UCHL3: variants seen among roughly 807,000 people sequenced by gnomAD.
The protein encoded by UCHL3 is ubiquitin C-terminal hydrolase L3.
A neutral mutation model predicts 35.8 loss-of-function variants in UCHL3; 22 were observed. The observed-to-expected ratio is 0.61, with a 90% CI of 0.44 to 0.88. UCHL3 has a LOEUF of 0.88. Ranked by LOEUF, UCHL3 falls within the 40% of genes least tolerant of loss-of-function variation. The pLI is 0.00. For missense variants in UCHL3, 229 were observed against 276.9 expected (o/e 0.83, Z 1.23); for synonymous variants, 90 against 92.8 (o/e 0.97, Z 0.17).
At position 75,594,924 on chromosome 13, in the gene UCHL3, A is replaced by G. The variant is rs770776286; in HGVS notation, c.484A>G (p.Ile162Val). 7.5e-6 allele frequency: 12 copies of G among 1,606,952 alleles called. No individual in the cohort carries two copies. In the South Asian group the frequency reaches 9.0e-5, roughly 12 times the overall value. ...AHEGQTEAPS[I>V]DEKVDLHFIA... Reference sequence around the variant, plus strand: ...TTCCCTCCTATTCCAGGCACCAAGTATAGATGAGAAAGTAGATCTTCATTT... The same window carrying G: ...TTCCCTCCTATTCCAGGCACCAAGTGTAGATGAGAAAGTAGATCTTCATTT... Residue 162 changes from isoleucine to valine, a missense_variant, in exon 7 of 9, where the codon ATA becomes GTA. Coordinates refer to ENST00000377595, the MANE Select transcript of UCHL3 (RefSeq NM_006002.5).
At chr13:75,586,611 C>A (rs530057650) in intron 6 of UCHL3, among the ~76,000 whole-genome samples, 1 of 151,760 alleles carries the variant, frequency 6.6e-6, no homozygotes, top group East Asian at 1.9e-4. Context: ...CCAGGATAGA[C>A]CATATTCTGG....
Position 75,569,333 on chromosome 13 carries a change from T to A in UCHL3, c.427-127T>A, listed in dbSNP as rs577922077. ...TCTTAAATATCTAGTACTAAGCTTT[T>A]CTTAAATTTCCTTCAATTTGTTGTT... is the stretch of plus-strand genomic sequence containing the variant. On this transcript the variant is annotated intron_variant, in intron 5 of 8. Transcript: ENST00000377595. The A allele has an allele frequency of 7.7e-6, 5 of 646,692 alleles. No homozygotes were observed. The South Asian group carries it at 1.1e-4, about 14-fold the overall frequency. The allele number at this position is 646,692 out of a possible 1,614,324, so 40.1% of individuals were successfully genotyped here.
intron 8 of UCHL3, 55 bp downstream of exon 8, chr13:75,604,882 A>G (rs375744803): frequency 6.9e-7 from 1 of 1,443,082 alleles, no homozygotes; most frequent in Non-Finnish European, 9.5e-7. Flanking sequence ...TCTTTAAAAC[A>G]TCTCTAAAGG....
intron 6 of UCHL3, among the ~76,000 whole-genome samples, chr13:75,589,167 G>A (rs1444652799): frequency 1.3e-5 from 2 of 152,016 alleles, no homozygotes; most frequent in African/African-American, 4.8e-5. Flanking sequence ...TCTGAATCCC[G>A]GTTCTGTTAC....
intron 6 of UCHL3, among the ~76,000 whole-genome samples, chr13:75,587,512 G>T (rs900093219): frequency 1.3e-5 from 2 of 151,992 alleles, no homozygotes; most frequent in Non-Finnish European, 2.9e-5. Context: ...AGGAAATACT[G>T]AAGAATTTAG....
At chr13:75,560,685 A>G (rs2031461406) in intron 2 of UCHL3, 68 bp from the exon 3 acceptor site, 2 of 1,403,214 alleles carry the variant, frequency 1.4e-6, no homozygotes, top group Non-Finnish European at 1.9e-6. Context: ...AACACTATGT[A>G]TAGTATACTA....
At chr13:75,568,014 C>T (rs1287251673) in intron 5 of UCHL3, among the ~76,000 whole-genome samples, 1 of 152,000 alleles carries the variant, frequency 6.6e-6, no homozygotes, top group Non-Finnish European at 1.5e-5. Flanking sequence ...AGACATTAGA[C>T]CATACTGTAG....
chr13:75,587,493 CTTAG>C (rs1039937324), intron 6 of UCHL3, among the ~76,000 whole-genome samples: 6 of 151,914 alleles, frequency 3.9e-5, no homozygotes, highest in African/African-American at 4.8e-5. Flanking sequence ...AGTTAATTCC[CTTAG>C]TCCTAGGAAA....
chr13:75,604,557 T>A, intron 7 of UCHL3: 1 of 386,364 alleles, frequency 2.6e-6, no homozygotes, highest in Non-Finnish European at 4.6e-6. Context: ...ATGAAGATAA[T>A]TTAGGCTTTC....
intron 6 of UCHL3, chr13:75,590,100 C>A (rs780661979): frequency 7.7e-7 from 1 of 1,304,220 alleles, no homozygotes; most frequent in African/African-American, 1.5e-5. Context: ...ACCCTTCTTA[C>A]GTCTACCATC....
intron 7 of UCHL3, among the ~76,000 whole-genome samples, chr13:75,601,611 C>T (rs1378141671): frequency 6.6e-6 from 1 of 151,982 alleles, no homozygotes; most frequent in Non-Finnish European, 1.5e-5. Flanking sequence ...TAATGTATAC[C>T]TAATAGACTA....
chr13:75,589,212 C>A (rs2032409747), intron 6 of UCHL3, among the ~76,000 whole-genome samples: 2 of 152,078 alleles, frequency 1.3e-5, no homozygotes, highest in African/African-American at 4.8e-5. Context: ...TGTTACTTAA[C>A]CCATTTGTGC....
At chr13:75,595,042 C>G (rs2032608821) in intron 7 of UCHL3, 52 bp downstream of exon 7, 2 of 1,347,508 alleles carry the variant, frequency 1.5e-6, no homozygotes, top group East Asian at 2.5e-5. Context: ...ATGGGAAAGT[C>G]TCTACTTATG....
chr13:75,586,575 C>A (rs1231192550), intron 6 of UCHL3, among the ~76,000 whole-genome samples: 1 of 151,962 alleles, frequency 6.6e-6, no homozygotes, highest in Non-Finnish European at 1.5e-5. Flanking sequence ...AATATACAGT[C>A]TTCTCAAGTG....
chr13:75,577,565 C>T (rs995312369), intron 6 of UCHL3, among the ~76,000 whole-genome samples: 2 of 152,140 alleles, frequency 1.3e-5, no homozygotes, highest in Admixed American at 6.6e-5. Flanking sequence ...CCAACTGAGA[C>T]CTTTCTGAAT....
chr13:75,555,450 C>T (rs533879692), intron 2 of UCHL3, among the ~76,000 whole-genome samples: 64 of 152,212 alleles, frequency 4.2e-4, no homozygotes, highest in Admixed American at 9.8e-4. Context: ...GCCAGGCTCA[C>T]GGGGCCATCA....
At chr13:75,594,745 A>G (rs528916758) in intron 6 of UCHL3, among the ~76,000 whole-genome samples, 170 bp from the exon 7 acceptor site, 2 of 152,340 alleles carry the variant, frequency 1.3e-5, no homozygotes, top group East Asian at 3.9e-4. Context: ...ACATTGTCAC[A>G]AACACAGGCA....
At chr13:75,595,597 CAAAAAAAAAAAAAAAAA>C (rs58733406) in intron 7 of UCHL3, among the ~76,000 whole-genome samples, 2,488 of 45,820 alleles carry the variant, frequency 0.054, 96 homozygotes, top group Admixed American at 0.079. Flanking sequence ...TACTCCATCT[CAAAAAAAAAAAAAAAAA>C]AAAAAAAAAA....
chr13:75,556,689 CTAGTT>C (rs1566208395), intron 2 of UCHL3, among the ~76,000 whole-genome samples: 1 of 152,034 alleles, frequency 6.6e-6, no homozygotes, highest in Non-Finnish European at 1.5e-5. Context: ...GTTTTTAAGT[CTAGTT>C]TGTATGCAAA....
Sources: gnomAD v4.1 joint callset for allele counts (sites outside exome capture counted in the v4.1 genomes callset) on GRCh38, gnomAD v4.1.1 for gene constraint, MANE v1.5 for transcripts, NCBI Gene and HGNC (gene_info 2026-07-23, HGNC 2026-07-21) for gene names.